VAV3: variants seen among roughly 807,000 people sequenced by gnomAD.
The protein encoded by VAV3 is guanine nucleotide exchange factor VAV3.
In VAV3, 94 loss-of-function variants were observed where a neutral mutation model predicts 131.2. That is an observed-to-expected ratio of 0.72 (90% CI 0.61 to 0.85). The LOEUF is 0.85. Among genes scored for constraint, VAV3 ranks in the 40% least tolerant of loss-of-function variants. The pLI is 0.00. For synonymous variants in VAV3, 349 were observed against 342.0 expected (o/e 1.02, Z -0.22); for missense variants, 939 against 1,002.7 (o/e 0.94, Z 0.86).
chr1:107,940,327 T>C (rs1673925966), intron 1 of VAV3, among the ~76,000 whole-genome samples: 2 of 152,062 alleles, frequency 1.3e-5, no homozygotes, highest in Admixed American at 1.3e-4. Flanking sequence ...ACACCCACAA[T>C]ATTTAAAAGG....
chr1:107,798,209 G>T (rs1350337250), intron 2 of VAV3, among the ~76,000 whole-genome samples: 1 of 152,116 alleles, frequency 6.6e-6, no homozygotes, highest in African/African-American at 2.4e-5. Flanking sequence ...ATGAATTTTT[G>T]AATATTTATT....
At chr1:107,580,088 G>C (rs1022586780) in intron 25 of VAV3, among the ~76,000 whole-genome samples, 1 of 152,118 alleles carries the variant, frequency 6.6e-6, no homozygotes, top group African/African-American at 2.4e-5. Context: ...ATTACTGTAC[G>C]TTCTGTGTTG....
chr1:107,751,023 C>T, intron 13 of VAV3, 94 bp downstream of exon 13: 1 of 1,192,838 alleles, frequency 8.4e-7, no homozygotes, highest in Non-Finnish European at 1.2e-6. Context: ...TTCCTTTTTT[C>T]CCCCTACTTC....
chr1:107,700,083 G>A (rs1174913815), intron 17 of VAV3, among the ~76,000 whole-genome samples: 1 of 152,198 alleles, frequency 6.6e-6, no homozygotes, highest in African/African-American at 2.4e-5. Flanking sequence ...AAGGCAGCAT[G>A]CCAAAGCTGA....
chr1:107,688,393 G>A lies in VAV3; in HGVS notation c.1719C>T (p.Leu573=). ...ATGTTAATCTTACCTCTGGTAGTTTGAGTGTCCCTTGTTCTGAAAGAAATG... is the reference window on the plus strand; with the variant it reads ...ATGTTAATCTTACCTCTGGTAGTTTAAGTGTCCCTTGTTCTGAAAGAAATG... ...GRVNSGEQGT[L]KLPEKRTNGL... is the part of the protein sequence containing the mutation. Residue 573 remains leucine, a synonymous_variant, in exon 18 of 27, where the codon CTC becomes CTT. Transcript: ENST00000370056. 1 of 1,613,192 alleles carries A rather than the reference G, an allele frequency of 6.2e-7. No individual in the cohort carries two copies.
At chr1:107,802,520 T>C (rs1187285537) in intron 2 of VAV3, among the ~76,000 whole-genome samples, 1 of 152,168 alleles carries the variant, frequency 6.6e-6, no homozygotes, top group Non-Finnish European at 1.5e-5. Flanking sequence ...GTTCCTTCTA[T>C]TCTTAACGTT....
intron 4 of VAV3, among the ~76,000 whole-genome samples, chr1:107,775,492 C>T (rs1665301730): frequency 7.2e-6 from 1 of 138,424 alleles, no homozygotes; most frequent in South Asian, 2.4e-4. Flanking sequence ...GCAGGAGAAT[C>T]ACTTGAACCC....
chr1:107,934,845 A>C (rs1055230532), intron 1 of VAV3, among the ~76,000 whole-genome samples: 16 of 152,246 alleles, frequency 1.1e-4, no homozygotes, highest in African/African-American at 3.6e-4. Flanking sequence ...AGCACATGCT[A>C]AACAAAATAT....
At chr1:107,695,091 T>C (rs1228735712) in intron 17 of VAV3, among the ~76,000 whole-genome samples, 12 of 152,034 alleles carry the variant, frequency 7.9e-5, no homozygotes, top group Admixed American at 3.3e-4. Context: ...TACATGTAGA[T>C]ACACAGACAT....
At chr1:107,906,403 G>A (rs1399900204) in intron 1 of VAV3, among the ~76,000 whole-genome samples, 7 of 152,140 alleles carry the variant, frequency 4.6e-5, no homozygotes, top group African/African-American at 1.4e-4. Flanking sequence ...GGTGGCTCAC[G>A]CCTGTAATCC....
At chr1:107,573,945 G>A (rs1649433228) in intron 26 of VAV3, 102 bp downstream of exon 26, 1 of 1,475,762 alleles carries the variant, frequency 6.8e-7, no homozygotes, top group Non-Finnish European at 9.1e-7. Flanking sequence ...GCTGAAAGCT[G>A]TAATACAGTA....
intron 19 of VAV3, among the ~76,000 whole-genome samples, chr1:107,661,143 T>C (rs1656981492): frequency 2.6e-5 from 4 of 152,192 alleles, no homozygotes; most frequent in Admixed American, 1.3e-4. Context: ...CTAAACTTTA[T>C]GTAGTTAACT....
intron 20 of VAV3, among the ~76,000 whole-genome samples, chr1:107,623,010 A>C (rs1653722908): frequency 6.6e-6 from 1 of 152,224 alleles, no homozygotes; most frequent in Non-Finnish European, 1.5e-5. Context: ...GGAAGTGATC[A>C]GGAAAAGACC....
chr1:107,749,335 C>T (rs1329583304), intron 14 of VAV3, 127 bp downstream of exon 14: 5 of 1,094,354 alleles, frequency 4.6e-6, no homozygotes, highest in Admixed American at 3.2e-5. Flanking sequence ...AGTTATGTAC[C>T]TAATCAATCT....
At chr1:107,681,779 A>G (rs1054307580) in intron 19 of VAV3, among the ~76,000 whole-genome samples, 4 of 150,772 alleles carry the variant, frequency 2.7e-5, no homozygotes, top group African/African-American at 7.3e-5. Flanking sequence ...TCAGCCTCCC[A>G]AGTAGCTGGG....
intron 2 of VAV3, among the ~76,000 whole-genome samples, chr1:107,869,644 T>A (rs1670163923): frequency 2.0e-5 from 3 of 152,226 alleles, no homozygotes; most frequent in Admixed American, 2.0e-4. Flanking sequence ...TGTATTGTTT[T>A]GTTTTTCAAT....
At chr1:107,581,759 G>GT (rs1558063913) in intron 25 of VAV3, among the ~76,000 whole-genome samples, 1 of 152,168 alleles carries the variant, frequency 6.6e-6, no homozygotes, top group African/African-American at 2.4e-5. Context: ...AAAGTATTAT[G>GT]TTCTGCCTTG....
intron 2 of VAV3, among the ~76,000 whole-genome samples, chr1:107,814,423 T>C (rs756279895): frequency 2.6e-5 from 4 of 152,198 alleles, no homozygotes; most frequent in Non-Finnish European, 5.9e-5. Flanking sequence ...TTTTTTCATG[T>C]TCCTGTTGGC....
At chr1:107,744,240 G>C (rs1363804336) in intron 15 of VAV3, among the ~76,000 whole-genome samples, 1 of 152,138 alleles carries the variant, frequency 6.6e-6, no homozygotes, top group African/African-American at 2.4e-5. Context: ...TAAACATCCT[G>C]GGCTAATATT....
Sources: gnomAD v4.1 joint callset for allele counts (sites outside exome capture counted in the v4.1 genomes callset) on GRCh38, gnomAD v4.1.1 for gene constraint, MANE v1.5 for transcripts, NCBI Gene and HGNC (gene_info 2026-07-23, HGNC 2026-07-21) for gene names.